AHNAK2: variants seen among roughly 807,000 people sequenced by gnomAD.
AHNAK2 encodes the protein AHNAK nucleoprotein 2.
Under a neutral mutation model 30.7 loss-of-function variants are expected in AHNAK2, and 18 were observed. The observed-to-expected ratio is 0.59, with a 90% CI of 0.41 to 0.87. AHNAK2 has a LOEUF of 0.87. Ranked by LOEUF, AHNAK2 falls within the 40% of genes least tolerant of loss-of-function variation. The pLI, the probability that AHNAK2 is intolerant of heterozygous loss-of-function variation, is 0.00. For synonymous variants in AHNAK2, 3,590 were observed against 3,073.8 expected (o/e 1.17, Z -5.56); for missense variants, 8,604 against 7,373.0 (o/e 1.17, Z -6.11).
rs745808556 is a variant in AHNAK2 at position 104,945,655 on chromosome 14, C to T, written c.9796G>A (p.Asp3266Asn). ...KGPKMDVTAPDVEVSQPSMEV... is the reference protein window; with the variant it reads ...KGPKMDVTAPNVEVSQPSMEV... ...ATGCTGGGCTGAGACACCTCCACGT[C>T]GGGGGCCGTCACATCCATCTTCGGG... The change falls in exon 7 of 7, where the codon GAC becomes AAC. Residue 3266 changes from aspartate (D) to asparagine (N), a missense_variant. Coordinates refer to ENST00000333244, the MANE Select transcript of AHNAK2 (RefSeq NM_138420.4). 10 of 1,579,768 alleles carry T rather than the reference C, an allele frequency of 6.3e-6. No homozygotes were observed. The African/African-American group carries it at 6.8e-5, about 11-fold the overall frequency.
Position 104,954,344 on chromosome 14 carries a change from A to T in AHNAK2, c.1107T>A (p.Thr369=). The T allele has an allele frequency of 6.2e-7, 1 of 1,613,248 alleles. No homozygotes were observed. The highest frequency in any genetic ancestry group is 8.5e-7 in the Non-Finnish European group (1 of 1,179,812). The change falls in exon 7 of 7, where the codon ACT becomes ACA. Residue 369 remains threonine (T), a synonymous_variant. Coordinates refer to ENST00000333244, the MANE Select transcript of AHNAK2 (RefSeq NM_138420.4). The surrounding 1 kb of genome is among the most constrained non-coding windows in gnomAD (Gnocchi z 4.3). ...LGPWGDSLEE[T]GAATGSRREE... Reference sequence around the variant, plus strand: ...CTCTCCTGCTGCCTGTGGCAGCCCCAGTCTCCTCGAGGCTATCACCCCAGG... The same window carrying T: ...CTCTCCTGCTGCCTGTGGCAGCCCCTGTCTCCTCGAGGCTATCACCCCAGG...
At chr14:104,976,122 G>A (rs1899584775) in intron 1 of AHNAK2, among the ~76,000 whole-genome samples, 1 of 152,164 alleles carries the variant, frequency 6.6e-6, no homozygotes, top group Non-Finnish European at 1.5e-5. Flanking sequence ...GCCGGGGAGG[G>A]GTTCCCTGTC....
chr14:104,974,475 C>G (rs1301108458), intron 1 of AHNAK2, among the ~76,000 whole-genome samples: 1 of 152,278 alleles, frequency 6.6e-6, no homozygotes, highest in Non-Finnish European at 1.5e-5. Flanking sequence ...TCGCCCTCAG[C>G]CTCTGCAGGC....
Position 104,966,252 on chromosome 14 carries a change from G to A in AHNAK2, c.56-8580C>T, listed in dbSNP as rs1484307319. Among the ~76,000 whole-genome samples the A allele has an allele frequency of 6.6e-6, 1 of 152,024 alleles. No individual in the cohort carries two copies. The highest frequency in any genetic ancestry group is 1.5e-5 in the Non-Finnish European group (1 of 67,984). The stretch of plus-strand genomic sequence containing the variant: ...CCGCCACCTTCCTACTGCTCCGGGG[G>A]CCAGGCCCAGACCCCTGGCCTCCAT... On this transcript the variant is annotated intron_variant, in intron 1 of 6. Coordinates refer to ENST00000333244, the MANE Select transcript of AHNAK2 (RefSeq NM_138420.4). The surrounding 1 kb of genome is among the most constrained non-coding windows in gnomAD (Gnocchi z 4.3).
chr14:104,943,164 A>C lies in AHNAK2; in HGVS notation c.12287T>G (p.Leu4096Arg). Residue 4096 changes from leucine to arginine, a missense_variant, in exon 7 of 7, where the codon CTG becomes CGG. By Grantham distance (102) the Leu-to-Arg change is moderately radical. Coordinates refer to ENST00000333244, the MANE Select transcript of AHNAK2 (RefSeq NM_138420.4). ...EVTAPDVKMS[L>R]SSMEVDVQAP... ...CTGGACGTCCACCTCCATGCTGGAC[A>C]GAGACATCTTCACATCAGGGGCTGT... 6.2e-7 allele frequency: 1 copy of C among 1,613,258 alleles called. No homozygotes were observed. Among genetic ancestry groups the C allele is most frequent in the Non-Finnish European group, 8.5e-7 (1 of 1,179,602 alleles).
rs201553400 is a variant in AHNAK2 at position 104,951,358 on chromosome 14, G to A, written c.4093C>T (p.Pro1365Ser). The change falls in exon 7 of 7, where the codon CCC (proline) becomes TCC (serine). Residue 1365 changes from proline to serine, a missense_variant. Transcript: ENST00000333244. ...APKVEADMSL[P>S]SMQGDLKTTD... ...GTCTTGAGGTCCCCCTGCATGGAGGGGAGGCTCATGTCGGCCTCCACCTTG... is the reference window on the plus strand; with the variant it reads ...GTCTTGAGGTCCCCCTGCATGGAGGAGAGGCTCATGTCGGCCTCCACCTTG... The A allele has an allele frequency of 1.0e-3, 1,080 of 1,075,964 alleles. 199 individuals are homozygous for A. The African/African-American group carries it at 0.013, about 13-fold the overall frequency. 66.7% of individuals were successfully genotyped at this position (1,075,964 alleles called of 1,614,324 possible). A position where few individuals can be genotyped will look rare whatever the true frequency, so the allele number is the denominator to read the frequency against.
intron 1 of AHNAK2, among the ~76,000 whole-genome samples, chr14:104,969,689 G>T (rs949392449): frequency 1.3e-5 from 2 of 152,214 alleles, no homozygotes; most frequent in African/African-American, 4.8e-5. Context: ...GGCAGCAGGT[G>T]GGCCCAGTTC....
intron 1 of AHNAK2, among the ~76,000 whole-genome samples, chr14:104,974,451 G>A (rs902746951): frequency 6.6e-6 from 1 of 152,202 alleles, no homozygotes; most frequent in African/African-American, 2.4e-5. Flanking sequence ...TGAACAACTT[G>A]CAGGTCCCTG....
rs2013228 is a variant in AHNAK2, at chr14:104,951,437, G to A, written c.4014C>T (p.Phe1338=). Residue 1338 remains phenylalanine, a synonymous_variant, in exon 7 of 7, where the codon TTC becomes TTT. Transcript: ENST00000333244. ...TGGACTTGCCTGGGGCAGACACCCC[G>A]AACGACGGCATCTTGAACTTGGGCA... The part of the protein sequence containing the change: ...FKMPKFKMPS[F]GVSAPGKSIE... 386,817 of 1,195,364 alleles carry A rather than the reference G, an allele frequency of 0.32. 148,423 individuals are homozygous for A. The highest frequency in any genetic ancestry group is 0.58 in the African/African-American group (39,555 of 68,668). 74.0% of individuals were successfully genotyped at this position (1,195,364 alleles called of 1,614,324 possible).
Position 104,941,902 on chromosome 14 carries a change from A to G in AHNAK2, c.13549T>C (p.Ser4517Pro). The G allele has an allele frequency of 6.2e-7, 1 of 1,613,380 alleles. No individual in the cohort carries two copies. Among genetic ancestry groups the G allele is most frequent in the African/African-American group, 1.3e-5 (1 of 74,914 alleles). ...CCAGCCTGGACCTCCAGGTCGGCGG[A>G]AGGGGCCTGAATGCGGAGGTCAGTG... The part of the protein sequence containing the change: ...KTTDLRIQAP[S>P]ADLEVQAGQV... Residue 4517 changes from serine (S) to proline (P), a missense_variant, in exon 7 of 7, where the codon TCC becomes CCC. Transcript: ENST00000333244.
rs369272309 is a variant in AHNAK2, at chr14:104,947,729, G to T, written c.7722C>A (p.Phe2574Leu). Residue 2574 changes from phenylalanine to leucine, a missense_variant, in exon 7 of 7, where the codon TTC becomes TTA. Phe to Leu is a conservative substitution (Grantham distance 22). Coordinates refer to ENST00000333244, the MANE Select transcript of AHNAK2 (RefSeq NM_138420.4). Reference sequence around the variant, plus strand: ...CCTTGAGGTCCATTTCAGGCATCTTGAAACTGGGCATCTGCACCTTGGGCA... The same window carrying T: ...CCTTGAGGTCCATTTCAGGCATCTTTAAACTGGGCATCTGCACCTTGGGCA... The part of the protein sequence containing the change: ...GHLPKVQMPS[F>L]KMPEMDLKGP... 2 of 1,612,556 alleles carry T rather than the reference G, an allele frequency of 1.2e-6. No individual in the cohort carries two copies. The highest frequency in any genetic ancestry group is 1.7e-6 in the Non-Finnish European group (2 of 1,179,590).
Position 104,948,724 on chromosome 14 carries a change from T to C in AHNAK2, c.6727A>G (p.Ser2243Gly). Residue 2243 changes from serine (S) to glycine (G), a missense_variant, in exon 7 of 7, where the codon AGT becomes GGT. Physicochemically the swap from Ser to Gly is moderately conservative, Grantham distance 56 (BLOSUM62 0). Coordinates refer to ENST00000333244, the MANE Select transcript of AHNAK2 (RefSeq NM_138420.4). ...KGHLPKLQMP[S>G]FKVPKVDLKG... is the part of the protein sequence containing the mutation. ...AGGTCCACTTTGGGCACCTTGAAAC[T>C]GGGCATCTGCAGCTTGGGCAGGTGC... is the stretch of plus-strand genomic sequence containing the variant. The C allele has an allele frequency of 1.2e-6, 2 of 1,611,534 alleles. No homozygotes were observed. Among genetic ancestry groups the C allele is most frequent in the Non-Finnish European group, 1.7e-6 (2 of 1,179,474 alleles).
intron 1 of AHNAK2, among the ~76,000 whole-genome samples, chr14:104,969,101 ACT>A (rs1442933604): frequency 6.6e-6 from 1 of 151,862 alleles, no homozygotes; most frequent in African/African-American, 2.4e-5. Context: ...TCTTGAGATA[ACT>A]CTCTCGGGAT....
At position 104,953,674 on chromosome 14, in the gene AHNAK2, A is replaced by G. The variant is rs757987583; in HGVS notation, c.1777T>C (p.Ser593Pro). Residue 593 changes from serine (S) to proline (P), a missense_variant, in exon 7 of 7, where the codon TCG becomes CCG. Physicochemically the swap from Ser to Pro is moderately conservative, Grantham distance 74. Coordinates refer to ENST00000333244, the MANE Select transcript of AHNAK2 (RefSeq NM_138420.4). ...CCTGTCTTTGTGTGCTTGCTTGGCG[A>G]CCATCCTAAGGAGGGTATCTTGAAC... ...PKFKIPSLGW[S>P]PSKHTKTGRE... The G allele has an allele frequency of 1.9e-6, 3 of 1,613,266 alleles. No homozygotes were observed. The African/African-American group carries it at 4.0e-5, about 22-fold the overall frequency.
chr14:104,949,204 T>C lies in AHNAK2; in HGVS notation c.6247A>G (p.Lys2083Glu), dbSNP rs150617757. 0.019 allele frequency: 19,999 copies of C among 1,071,858 alleles called. 2,464 individuals are homozygous for C. The African/African-American group carries it at 0.22, about 12-fold the overall frequency. 66.4% of individuals were successfully genotyped at this position (1,071,858 alleles called of 1,614,324 possible). The change falls in exon 7 of 7, where the codon AAA becomes GAA. Residue 2083 changes from lysine (K) to glutamate (E), a missense_variant. Transcript: ENST00000333244. ...KVEMPSLKMP[K>E]VDLKGPQVDI... is the part of the protein sequence containing the mutation. The stretch of plus-strand genomic sequence containing the variant: ...ACCTGGGGGCCCTTGAGGTCCACTT[T>C]GGGCATCTTCAAACTGGGCATCTCC...
In AHNAK2 at chr14:104,951,473, G is replaced by A; in HGVS notation, c.3978C>T (p.Ser1326=). 1.6e-6 allele frequency: 2 copies of A among 1,247,308 alleles called. No homozygotes were observed. Among genetic ancestry groups the A allele is most frequent in the Non-Finnish European group, 2.3e-6 (2 of 881,292 alleles). 77.3% of individuals were successfully genotyped at this position (1,247,308 alleles called of 1,614,324 possible). ...TCTTGAACTTGGGCATTTTGAACTT[G>A]CTGTCTTTGGCAGTCACGTCCTTGT... ...LADKDVTAKD[S]KFKMPKFKMP... Residue 1326 remains serine (S), a synonymous_variant, in exon 7 of 7, where the codon AGC becomes AGT. Transcript: ENST00000333244.
rs1207415712 is a variant in AHNAK2, at chr14:104,938,046, C to A, written c.*17G>T. ...CTTAGTTTTTTGCATCTCTCTTGTA[C>A]TGATGAGCCATACCTCTCAGCCTTC... On this transcript the variant is annotated 3_prime_UTR_variant, in exon 7 of 7. Coordinates refer to ENST00000333244, the MANE Select transcript of AHNAK2 (RefSeq NM_138420.4). 2 of 1,606,822 alleles carry A rather than the reference C, an allele frequency of 1.2e-6. No individual in the cohort carries two copies. Among genetic ancestry groups the A allele is most frequent in the African/African-American group, 1.3e-5 (1 of 74,606 alleles).
Position 104,943,936 on chromosome 14 carries a change from G to A in AHNAK2, c.11515C>T (p.Leu3839Phe), listed in dbSNP as rs374297640. The stretch of plus-strand genomic sequence containing the variant: ...TTGAGGTCCCCCTGCATGGAGGGGA[G>A]ACTCACATCGGCCTCCACCTTGGGT... ...SAPKVEADVS[L>F]PSMQGDLKTT... The change falls in exon 7 of 7, where the codon CTC becomes TTC. Residue 3839 changes from leucine (L) to phenylalanine (F), a missense_variant. By Grantham distance (22) the Leu-to-Phe change is conservative. Coordinates refer to ENST00000333244, the MANE Select transcript of AHNAK2 (RefSeq NM_138420.4). 10 of 1,613,138 alleles carry A rather than the reference G, an allele frequency of 6.2e-6. No individual in the cohort carries two copies. Among genetic ancestry groups the A allele is most frequent in the Middle Eastern group, 1.7e-4 (1 of 6,056 alleles).
At position 104,942,942 on chromosome 14, in the gene AHNAK2, G is replaced by A. The variant is rs766097494; in HGVS notation, c.12509C>T (p.Pro4170Leu). 6.4e-5 allele frequency: 104 copies of A among 1,613,372 alleles called. 1 individual carries two copies. In the Middle Eastern group the frequency reaches 8.3e-4, roughly 13 times the overall value. ...GGTCTTGAGGTCCCCCTGCATGGAG[G>A]GGAGGCTCACGTCGGCTTTCGCCTT... ...ELKAKADVSL[P>L]SMQGDLKTTD... The change falls in exon 7 of 7, where the codon CCC becomes CTC. Residue 4170 changes from proline to leucine, a missense_variant. Pro to Leu is a moderately conservative substitution (Grantham distance 98). Transcript: ENST00000333244.
Sources: allele counts gnomAD v4.1 joint callset (sites outside exome capture counted in the v4.1 genomes callset), GRCh38; gene constraint gnomAD v4.1.1; non-coding constraint Gnocchi (gnomAD v3.1); transcripts MANE v1.5; gene names NCBI Gene and HGNC (gene_info 2026-07-23, HGNC 2026-07-21).